DNAH7: variants seen among roughly 807,000 people sequenced by gnomAD.
DNAH7 encodes the protein dynein axonemal heavy chain 7.
Under a neutral mutation model 444.6 loss-of-function variants are expected in DNAH7, and 397 were observed. The observed-to-expected ratio is 0.89, with a 90% confidence interval of 0.82 to 0.97. The LOEUF (loss-of-function observed/expected upper bound fraction) is 0.97, where lower values mean the gene tolerates loss of function less well. Ranked by LOEUF, DNAH7 falls within the 50% of genes least tolerant of loss-of-function variation. DNAH7 has a pLI of 0.00. For synonymous variants in DNAH7, 1,636 were observed against 1,624.4 expected (o/e 1.01, Z -0.17); for missense variants, 4,902 against 4,800.8 (o/e 1.02, Z -0.62).
chr2:195,892,256 A>G (rs557988581), intron 30 of DNAH7, among the ~76,000 whole-genome samples: 10 of 152,298 alleles, frequency 6.6e-5, no homozygotes, highest in African/African-American at 2.4e-4. Flanking sequence ...GTTTATTGGC[A>G]TTACGAAAAA....
At chr2:195,875,615 T>C in intron 38 of DNAH7, 60 bp downstream of exon 38, 2 of 1,473,894 alleles carry the variant, frequency 1.4e-6, no homozygotes, top group African/African-American at 1.4e-5. Context: ...TCCAGTTATT[T>C]CTTTAGCTAT....
intron 19 of DNAH7, among the ~76,000 whole-genome samples, chr2:195,939,780 C>T (rs771464632): frequency 6.6e-5 from 10 of 151,780 alleles, no homozygotes; most frequent in Admixed American, 1.3e-4. Context: ...ATCAGGGGCC[C>T]GAAACATTGA....
chr2:195,919,206 C>T (rs995228260), intron 24 of DNAH7, among the ~76,000 whole-genome samples: 3 of 145,182 alleles, frequency 2.1e-5, no homozygotes, highest in East Asian at 2.0e-4. Context: ...GCTGAGATCA[C>T]GCAGCCTGGA....
In DNAH7 at chr2:195,844,193, T is replaced by C. The variant is rs146888343; in HGVS notation, c.8945+809A>G. On this transcript the variant is annotated intron_variant, in intron 47 of 64. Coordinates refer to ENST00000312428, the MANE Select transcript of DNAH7 (RefSeq NM_018897.3). The stretch of plus-strand genomic sequence containing the variant: ...CTTCTATTTTAAAAGTTTCCATGCC[T>C]CAAACATTTTTACTTTAAAAAGTAC... Among the ~76,000 whole-genome samples, 459 of 152,322 alleles carry C rather than the reference T, an allele frequency of 3.0e-3. 3 individuals carry two copies. The highest frequency in any genetic ancestry group is 0.011 in the African/African-American group (440 of 41,574).
chr2:195,817,692 A>C lies in DNAH7; in HGVS notation c.9425+4T>G. 1 of 1,601,148 alleles carries C rather than the reference A, an allele frequency of 6.2e-7. No individual in the cohort carries two copies. On this transcript the variant is annotated splice_donor_region_variant and intron_variant, in intron 50 of 64. Transcript: ENST00000312428. ...AGAATAGTTCTGTTTATGACATTTA[A>C]AACCTTTTATTTTCAGCTCCTTGTA...
chr2:195,992,747 A>G (rs1360596076), intron 12 of DNAH7, among the ~76,000 whole-genome samples: 3 of 152,172 alleles, frequency 2.0e-5, no homozygotes, highest in African/African-American at 7.2e-5. Flanking sequence ...CCTCCTGCCA[A>G]TGGGAAAGCT....
chr2:195,958,702 A>C (rs1039102912), intron 18 of DNAH7, among the ~76,000 whole-genome samples: 3 of 152,228 alleles, frequency 2.0e-5, no homozygotes, highest in African/African-American at 7.2e-5. Flanking sequence ...TTCCTCAAGA[A>C]TAAATATAAT....
intron 63 of DNAH7, among the ~76,000 whole-genome samples, chr2:195,743,749 G>A (rs1208180073): frequency 6.6e-6 from 1 of 152,204 alleles, no homozygotes; most frequent in South Asian, 2.1e-4. Flanking sequence ...AAAAAGCTAG[G>A]ATGACAAAAA....
At chr2:195,794,988 C>T (rs12477772) in intron 56 of DNAH7, among the ~76,000 whole-genome samples, 82,595 of 152,058 alleles carry the variant, frequency 0.54, 23,384 homozygotes, top group Non-Finnish European at 0.65. Context: ...TTCTCTCTTA[C>T]AGGACTCTGT....
chr2:195,798,790 C>T (rs1419572728), intron 55 of DNAH7, among the ~76,000 whole-genome samples: 1 of 151,984 alleles, frequency 6.6e-6, no homozygotes, highest in African/African-American at 2.4e-5. Context: ...TCGTGATCTG[C>T]CCGCCTCGGC....
chr2:196,022,147 C>G (rs1223159858), intron 8 of DNAH7, among the ~76,000 whole-genome samples: 1 of 152,172 alleles, frequency 6.6e-6, no homozygotes, highest in Non-Finnish European at 1.5e-5. Flanking sequence ...AATGTATACA[C>G]CTTAATTTTA....
chr2:195,843,442 ATTTAAC>A, intron 47 of DNAH7, among the ~76,000 whole-genome samples: 1 of 152,332 alleles, frequency 6.6e-6, no homozygotes, highest in East Asian at 1.9e-4. Context: ...AAATAATTAA[ATTTAAC>A]TTTAGCTCCT....
At chr2:195,985,934 C>A (rs1692876858) in intron 14 of DNAH7, among the ~76,000 whole-genome samples, 1 of 152,162 alleles carries the variant, frequency 6.6e-6, no homozygotes, top group Non-Finnish European at 1.5e-5. Flanking sequence ...TCTCTTCCCT[C>A]ACGCTGTCTG....
intron 34 of DNAH7, 79 bp downstream of exon 34, chr2:195,886,062 T>G (rs1437259478): frequency 6.8e-7 from 1 of 1,463,152 alleles, no homozygotes. Flanking sequence ...CAAAATGAGT[T>G]TCACAAATTA....
intron 18 of DNAH7, among the ~76,000 whole-genome samples, chr2:195,959,828 T>C (rs1259375855): frequency 1.3e-5 from 2 of 152,222 alleles, no homozygotes; most frequent in Non-Finnish European, 2.9e-5. Context: ...TTACAATAGA[T>C]ATTCAGCAAT....
chr2:196,038,276 G>A (rs1459855028), intron 5 of DNAH7, among the ~76,000 whole-genome samples: 1 of 152,094 alleles, frequency 6.6e-6, no homozygotes, highest in Non-Finnish European at 1.5e-5. Flanking sequence ...CCTACATCTG[G>A]AAGCAAAAGG....
intron 18 of DNAH7, among the ~76,000 whole-genome samples, chr2:195,959,076 T>C (rs1396878376): frequency 6.6e-6 from 1 of 152,084 alleles, no homozygotes; most frequent in Non-Finnish European, 1.5e-5. Flanking sequence ...AATTAATTAA[T>C]TAATTAATTT....
At chr2:195,742,746 G>C (rs1435609114) in intron 63 of DNAH7, among the ~76,000 whole-genome samples, 3 of 152,160 alleles carry the variant, frequency 2.0e-5, no homozygotes, top group Non-Finnish European at 4.4e-5. Flanking sequence ...ACTATTCTCT[G>C]CCTCCCTTCA....
At chr2:195,864,024 G>C (rs1388822035) in intron 41 of DNAH7, 125 bp downstream of exon 41, 11 of 838,804 alleles carry the variant, frequency 1.3e-5, no homozygotes, top group African/African-American at 1.7e-5. Context: ...AGATATAACT[G>C]ATCAGAAGAT....
Sources: allele counts gnomAD v4.1 joint callset (sites outside exome capture counted in the v4.1 genomes callset), GRCh38; gene constraint gnomAD v4.1.1; transcripts MANE v1.5; gene names NCBI Gene and HGNC (gene_info 2026-07-23, HGNC 2026-07-21).